ATP10D: variants seen among roughly 807,000 people sequenced by gnomAD.
The protein encoded by ATP10D is ATPase phospholipid transporting 10D (putative), also known as phospholipid-transporting ATPase VD.
Under a neutral mutation model 144.8 loss-of-function variants are expected in ATP10D, and 89 were observed. The observed-to-expected ratio is 0.61, with a 90% CI of 0.52 to 0.73. ATP10D has a LOEUF of 0.73. Ranked by LOEUF, ATP10D falls within the 30% of genes least tolerant of loss-of-function variation. The pLI is 0.00. For synonymous variants in ATP10D, 571 were observed against 615.1 expected (o/e 0.93, Z 1.06); for missense variants, 1,603 against 1,714.8 (o/e 0.93, Z 1.15).
intron 1 of ATP10D, among the ~76,000 whole-genome samples, chr4:47,486,607 G>C (rs1383413750): frequency 6.6e-6 from 1 of 152,192 alleles, no homozygotes; most frequent in Non-Finnish European, 1.5e-5. Context: ...AGTGCCCGCA[G>C]CAAGAACCTC....
intron 11 of ATP10D, chr4:47,556,874 A>C (rs1719014993): frequency 6.6e-6 from 1 of 152,188 alleles, no homozygotes; most frequent in South Asian, 2.1e-4. Flanking sequence ...AAACCAGGGT[A>C]CAAATAAGAA....
At position 47,554,729 on chromosome 4, in the gene ATP10D, A is replaced by G. The variant is rs773146199; in HGVS notation, c.1639A>G (p.Thr547Ala). The G allele has an allele frequency of 1.9e-6, 3 of 1,606,012 alleles. No homozygotes were observed. Among genetic ancestry groups the G allele is most frequent in the Non-Finnish European group, 8.5e-7 (1 of 1,175,634 alleles). The stretch of plus-strand genomic sequence containing the variant: ...CACTGTCTTATTGGATCTTCAGGAA[A>G]CAGACGTGGTACCAGACACCAGGCT... Reference protein sequence around the residue: ...RQAAFSSPIETDVVPDTRLLD... With the variant: ...RQAAFSSPIEADVVPDTRLLD... The change falls in exon 11 of 23, where the codon ACA (threonine) becomes GCA (alanine). Residue 547 changes from threonine to alanine, a missense_variant. Physicochemically the swap from Thr to Ala is moderately conservative, Grantham distance 58. Coordinates refer to ENST00000273859, the MANE Select transcript of ATP10D (RefSeq NM_020453.4).
In ATP10D at chr4:47,569,005, C is replaced by A. The variant is rs768736337; in HGVS notation, c.3022C>A (p.Leu1008Met). The change falls in exon 16 of 23, where the codon CTG (leucine) becomes ATG (methionine). Residue 1008 changes from leucine (L) to methionine (M), a missense_variant. By Grantham distance (15) the Leu-to-Met change is conservative. Coordinates refer to ENST00000273859, the MANE Select transcript of ATP10D (RefSeq NM_020453.4). ...CACTGGGAAGACCCTGGAGTTTGCC[C>A]TGCAAGAAAGTCTGCAAAAGCAGTT... ...IITGKTLEFA[L>M]QESLQKQFLE... is the part of the protein sequence containing the mutation. The A allele has an allele frequency of 6.2e-7, 1 of 1,614,218 alleles. No individual in the cohort carries two copies. Among genetic ancestry groups the A allele is most frequent in the African/African-American group, 1.3e-5 (1 of 75,060 alleles).
At chr4:47,589,470 A>G (rs926005484) in intron 22 of ATP10D, among the ~76,000 whole-genome samples, 17 of 152,264 alleles carry the variant, frequency 1.1e-4, no homozygotes, top group African/African-American at 4.1e-4. Flanking sequence ...AAATTCTCCT[A>G]GACTTCCTTA....
At chr4:47,496,655 C>A (rs541395887) in intron 1 of ATP10D, among the ~76,000 whole-genome samples, 12 of 151,706 alleles carry the variant, frequency 7.9e-5, no homozygotes, top group Non-Finnish European at 1.5e-4. Flanking sequence ...CATTCAGAGT[C>A]AAAAAAATGC....
chr4:47,500,301 G>C (rs1715615948), intron 1 of ATP10D, among the ~76,000 whole-genome samples: 1 of 152,220 alleles, frequency 6.6e-6, no homozygotes, highest in Non-Finnish European at 1.5e-5. Context: ...GAAAAGTAAA[G>C]CAGAAAAGGA....
chr4:47,531,591 C>T (rs1717572558), intron 5 of ATP10D, among the ~76,000 whole-genome samples: 1 of 152,142 alleles, frequency 6.6e-6, no homozygotes, highest in African/African-American at 2.4e-5. Flanking sequence ...AAAGTCCTTC[C>T]ATGGAAATTT....
intron 1 of ATP10D, among the ~76,000 whole-genome samples, chr4:47,493,570 A>G (rs912012225): frequency 1.8e-4 from 28 of 151,936 alleles, no homozygotes; most frequent in African/African-American, 6.6e-4. Flanking sequence ...TATGACATGC[A>G]CTTTTGACTT....
At chr4:47,522,879 T>C (rs1717017381) in intron 3 of ATP10D, 133 bp from the exon 4 acceptor site, 3 of 760,450 alleles carry the variant, frequency 3.9e-6, no homozygotes, top group African/African-American at 1.8e-5. Flanking sequence ...CCTTTGAGCA[T>C]TTAATAGATT....
In ATP10D at chr4:47,512,781, T is replaced by C; in HGVS notation, c.241T>C (p.Tyr81His). ...YVNNRIRTTK[Y>H]TLLNFVPRNL... is the part of the protein sequence containing the mutation. ...GAACAATCGAATACGAACAACAAAG[T>C]ACACACTTCTGAATTTTGTGCCAAG... Residue 81 changes from tyrosine to histidine, a missense_variant, in exon 2 of 23, where the codon TAC becomes CAC. Tyr to His is a moderately conservative substitution (Grantham distance 83). Coordinates refer to ENST00000273859, the MANE Select transcript of ATP10D (RefSeq NM_020453.4). 1 of 1,611,364 alleles carries C rather than the reference T, an allele frequency of 6.2e-7. No individual in the cohort carries two copies. Among genetic ancestry groups the C allele is most frequent in the Admixed American group, 1.7e-5 (1 of 59,984 alleles).
At chr4:47,509,274 A>T in intron 1 of ATP10D, among the ~76,000 whole-genome samples, 1 of 152,236 alleles carries the variant, frequency 6.6e-6, no homozygotes, top group East Asian at 1.9e-4. Context: ...ACTGAAATAA[A>T]ATAATTTAAA....
rs913098774 is a variant in ATP10D at position 47,505,522 on chromosome 4, G to A, written c.-37-6982G>A. Among the ~76,000 whole-genome samples, 4 of 152,126 alleles carry A rather than the reference G, an allele frequency of 2.6e-5. No homozygotes were observed. The East Asian group carries it at 7.7e-4, about 29-fold the overall frequency. On this transcript the variant is annotated intron_variant, in intron 1 of 22. Transcript: ENST00000273859. ...GTGGATCACCTGAGGTCAAGAGTTC[G>A]AGAACTGCCTGGCCAACATGGTGAA...
intron 1 of ATP10D, among the ~76,000 whole-genome samples, chr4:47,504,994 C>G (rs1440381101): frequency 6.6e-6 from 1 of 152,174 alleles, no homozygotes. Flanking sequence ...ATAAGTCTAT[C>G]AAGGCCAGGA....
At chr4:47,492,406 T>C (rs1414457682) in intron 1 of ATP10D, among the ~76,000 whole-genome samples, 2 of 152,230 alleles carry the variant, frequency 1.3e-5, no homozygotes, top group African/African-American at 2.4e-5. Flanking sequence ...GTAGGTACCA[T>C]TGAGTAAATT....
chr4:47,591,273 T>C lies in ATP10D; in HGVS notation c.4173T>C (p.Cys1391=), dbSNP rs777311172. The change falls in exon 23 of 23, where the codon TGT becomes TGC. Residue 1391 remains cysteine, a synonymous_variant. Transcript: ENST00000273859. ...AVFAMKSASS[C]AIEQGNLSLC... ...TTGCAATGAAGTCAGCAAGTTCCTGTGCTATTGAGCAAGGAAACTTATCTC... is the reference window on the plus strand; with the variant it reads ...TTGCAATGAAGTCAGCAAGTTCCTGCGCTATTGAGCAAGGAAACTTATCTC... 3 of 1,613,464 alleles carry C rather than the reference T, an allele frequency of 1.9e-6. No homozygotes were observed. The African/African-American group carries it at 4.0e-5, about 22-fold the overall frequency.
intron 5 of ATP10D, among the ~76,000 whole-genome samples, chr4:47,530,618 G>C (rs981527114): frequency 2.6e-5 from 4 of 151,958 alleles, no homozygotes; most frequent in Admixed American, 2.0e-4. Context: ...ACCATGCCTG[G>C]GTAATTTTTG....
chr4:47,526,013 C>T (rs1175767227), intron 5 of ATP10D, among the ~76,000 whole-genome samples: 1 of 152,208 alleles, frequency 6.6e-6, no homozygotes, highest in Non-Finnish European at 1.5e-5. Flanking sequence ...ATTAGACCTA[C>T]TTCACAGTGT....
rs758527471 is a variant in ATP10D, at chr4:47,536,699, T to G, written c.1157T>G (p.Ile386Ser). Residue 386 changes from isoleucine (I) to serine (S), a missense_variant, in exon 9 of 23, where the codon ATT (isoleucine) becomes AGT (serine). Transcript: ENST00000273859. Reference protein sequence around the residue: ...MIILLQVLIPISLYVSIEIVK... With the variant: ...MIILLQVLIPSSLYVSIEIVK... ...GGATCTTCTTAGGTCTTGATTCCTA[T>G]TTCTCTCTATGTTTCCATCGAAATT... is the stretch of plus-strand genomic sequence containing the variant. 1 of 1,609,048 alleles carries G rather than the reference T, an allele frequency of 6.2e-7. No homozygotes were observed. Among genetic ancestry groups the G allele is most frequent in the Non-Finnish European group, 8.5e-7 (1 of 1,178,260 alleles).
At chr4:47,491,535 T>C in intron 1 of ATP10D, 1 of 479,990 alleles carries the variant, frequency 2.1e-6, no homozygotes, top group South Asian at 2.3e-5. Flanking sequence ...GTCTGTATCA[T>C]ATCACAGTCT....
Sources: gnomAD v4.1 joint callset for allele counts (sites outside exome capture counted in the v4.1 genomes callset) on GRCh38, gnomAD v4.1.1 for gene constraint, MANE v1.5 for transcripts, NCBI Gene and HGNC (gene_info 2026-07-23, HGNC 2026-07-21) for gene names.